Variants in NCOA1 observed in about 807,000 individuals in gnomAD.
NCOA1 encodes the protein nuclear receptor coactivator 1.
In NCOA1, 35 loss-of-function variants were observed where a neutral mutation model predicts 150.9. That is an observed-to-expected ratio of 0.23 (90% CI 0.18 to 0.31). NCOA1 has a LOEUF of 0.31. NCOA1 is among the 10% of genes least tolerant of loss of function. The pLI, the probability that NCOA1 is intolerant of heterozygous loss-of-function variation, is 1.00. For synonymous variants in NCOA1, 590 were observed against 630.0 expected, an observed-to-expected ratio of 0.94 and a Z score of 0.95; for missense variants, 1,491 against 1,749.3, an observed-to-expected ratio of 0.85 and a Z score of 2.63.
At chr2:24,751,929 G>T in intron 19 of NCOA1, 53 bp from the exon 20 acceptor site, 1 of 1,477,790 alleles carries the variant, frequency 6.8e-7, no homozygotes, top group Non-Finnish European at 9.2e-7. Flanking sequence ...TTCATTTATG[G>T]GGTTAATAAA....
intron 1 of NCOA1, among the ~76,000 whole-genome samples, chr2:24,517,000 G>GTATATATACACATATA (rs1558758787): frequency 8.2e-5 from 2 of 24,272 alleles, no homozygotes; most frequent in Admixed American, 7.2e-4. Flanking sequence ...ATATACACAC[G>GTATATATACACATATA]CGCGCACACA....
At chr2:24,734,806 A>T (rs535816592) in intron 17 of NCOA1, among the ~76,000 whole-genome samples, 854 of 78,754 alleles carry the variant, frequency 0.011, 13 homozygotes, top group African/African-American at 0.033. Flanking sequence ...CTTGTCTCTA[A>T]AAAAAAAAAT....
At chr2:24,681,439 A>T (rs1030375687) in intron 7 of NCOA1, among the ~76,000 whole-genome samples, 2 of 152,264 alleles carry the variant, frequency 1.3e-5, no homozygotes, top group African/African-American at 4.8e-5. Context: ...GAGATAAGAT[A>T]AATTATACAA....
At chr2:24,541,589 G>C (rs1665398906) in intron 1 of NCOA1, among the ~76,000 whole-genome samples, 1 of 152,236 alleles carries the variant, frequency 6.6e-6, no homozygotes, top group Non-Finnish European at 1.5e-5. Context: ...AGGAGAGGTT[G>C]TGGCCCCAGT....
intron 9 of NCOA1, 91 bp downstream of exon 9, chr2:24,691,751 AG>A: frequency 2.2e-6 from 3 of 1,371,560 alleles, no homozygotes; most frequent in Non-Finnish European, 3.0e-6. Flanking sequence ...TTTTTCAGAT[AG>A]TATTTTTGGT....
chr2:24,605,068 G>A lies in NCOA1; in HGVS notation c.-175+20508G>A, dbSNP rs56162544. On this transcript the variant is annotated intron_variant, in intron 3 of 22. Transcript: ENST00000348332. Reference sequence around the variant, plus strand: ...ACATACACATTTGTTGATTAAGTTCGCTGCCTTATGTGGGCTTACATGTTC... The same window carrying A: ...ACATACACATTTGTTGATTAAGTTCACTGCCTTATGTGGGCTTACATGTTC... 9.5e-3 allele frequency among the ~76,000 whole-genome samples: 1,444 copies of A among 152,226 alleles called. 21 individuals are homozygous for A. Among genetic ancestry groups the A allele is most frequent in the African/African-American group, 0.033 (1,369 of 41,540 alleles).
chr2:24,531,461 T>C (rs1405079098), intron 1 of NCOA1, among the ~76,000 whole-genome samples: 1 of 152,166 alleles, frequency 6.6e-6, no homozygotes, highest in Non-Finnish European at 1.5e-5. Context: ...TTCTTTTTCT[T>C]TTTTATTATT....
At chr2:24,760,672 TC>T (rs1029866398) in intron 21 of NCOA1, among the ~76,000 whole-genome samples, 9 of 152,196 alleles carry the variant, frequency 5.9e-5, no homozygotes, top group African/African-American at 2.2e-4. Flanking sequence ...TTGATGTTTT[TC>T]CCCTCTGGCT....
chr2:24,651,866 T>G (rs1436781076), intron 4 of NCOA1, among the ~76,000 whole-genome samples: 1 of 152,118 alleles, frequency 6.6e-6, no homozygotes, highest in Non-Finnish European at 1.5e-5. Flanking sequence ...TGTAATTTTT[T>G]AAAGACAGGA....
Position 24,707,809 on chromosome 2 carries a change from A to G in NCOA1, c.2339A>G (p.Gln780Arg), listed in dbSNP as rs1305821585. Residue 780 changes from glutamine (Q) to arginine (R), a missense_variant, in exon 13 of 23, where the codon CAG (glutamine) becomes CGG (arginine). By Grantham distance (43) the Gln-to-Arg change is conservative. This residue lies in a region of NCOA1 where 703 missense variants were observed against 717.7 expected (regional missense o/e 0.98). Coordinates refer to ENST00000348332, the MANE Select transcript of NCOA1 (RefSeq NM_003743.5). ...AAGGTGAAAGTGGAAAAGAAAGAAC[A>G]GATGGATCCATGTAATACAAACCCA... ...DVKVKVEKKE[Q>R]MDPCNTNPTP... 8 of 1,614,090 alleles carry G rather than the reference A, an allele frequency of 5.0e-6. No homozygotes were observed. Among genetic ancestry groups the G allele is most frequent in the Non-Finnish European group, 5.9e-6 (7 of 1,180,020 alleles).
rs140928757 is a variant in NCOA1 at position 24,621,147 on chromosome 2, G to C, written c.-174-22819G>C. Reference sequence around the variant, plus strand: ...TTCTCATAATCTTGTGTGGTATGTGGGGGGTGGGGAGGAGTTCCCTTATTC... The same window carrying C: ...TTCTCATAATCTTGTGTGGTATGTGCGGGGTGGGGAGGAGTTCCCTTATTC... On this transcript the variant is annotated intron_variant, in intron 3 of 22. Coordinates refer to ENST00000348332, the MANE Select transcript of NCOA1 (RefSeq NM_003743.5). Among the ~76,000 whole-genome samples, 18 of 152,162 alleles carry C rather than the reference G, an allele frequency of 1.2e-4. No homozygotes were observed. The East Asian group carries it at 3.3e-3, about 28-fold the overall frequency.
intron 7 of NCOA1, among the ~76,000 whole-genome samples, chr2:24,679,004 A>G (rs1672043323): frequency 6.6e-6 from 1 of 152,100 alleles, no homozygotes; most frequent in Non-Finnish European, 1.5e-5. Flanking sequence ...TAGGGTTTTT[A>G]TAGTTTTGGG....
chr2:24,637,052 C>CT (rs908800843), intron 3 of NCOA1, among the ~76,000 whole-genome samples: 33 of 149,596 alleles, frequency 2.2e-4, no homozygotes, highest in East Asian at 1.2e-3. Flanking sequence ...TTTATCATTT[C>CT]TTTTTTTTTG....
intron 17 of NCOA1, among the ~76,000 whole-genome samples, chr2:24,732,085 G>T (rs893770): frequency 0.15 from 23,123 of 152,128 alleles, 2,140 homozygotes; most frequent in Non-Finnish European, 0.21. Flanking sequence ...CCAGACCAAG[G>T]GTCTAGGTCA....
chr2:24,714,402 A>G (rs1673914225), intron 14 of NCOA1, among the ~76,000 whole-genome samples: 1 of 152,182 alleles, frequency 6.6e-6, no homozygotes, highest in African/African-American at 2.4e-5. Flanking sequence ...GACAGAGATG[A>G]TAGAAGTAAT....
chr2:24,729,352 C>T, intron 16 of NCOA1, 149 bp from the exon 17 acceptor site: 1 of 718,102 alleles, frequency 1.4e-6, no homozygotes, highest in Non-Finnish European at 2.3e-6. Flanking sequence ...ATTTCAAAAG[C>T]AGCTTTTATA....
chr2:24,535,751 T>C (rs1478080517), intron 1 of NCOA1, among the ~76,000 whole-genome samples: 1 of 152,234 alleles, frequency 6.6e-6, no homozygotes, highest in Admixed American at 6.5e-5. Context: ...TGAAAATTCT[T>C]TTCTTTAAGA....
intron 2 of NCOA1, among the ~76,000 whole-genome samples, chr2:24,571,224 G>A (rs1335555148): frequency 6.6e-6 from 1 of 151,980 alleles, no homozygotes; most frequent in Non-Finnish European, 1.5e-5. Context: ...CAGTGCGTGA[G>A]GGGGTGGGAG....
chr2:24,734,903 A>G (rs924014504), intron 17 of NCOA1, among the ~76,000 whole-genome samples: 11 of 152,338 alleles, frequency 7.2e-5, no homozygotes, highest in African/African-American at 2.4e-4. Context: ...ATAGCTCTAC[A>G]TAATAGAAAG....
Sources: gnomAD v4.1 joint callset for allele counts (sites outside exome capture counted in the v4.1 genomes callset) on GRCh38, gnomAD v4.1.1 for gene constraint, gnomAD v4.1.1 regional missense constraint, MANE v1.5 for transcripts, NCBI Gene and HGNC (gene_info 2026-07-23, HGNC 2026-07-21) for gene names.